The following MARCHF1 variants were observed in gnomAD, a reference collection of about 807,000 sequenced individuals.
MARCHF1 encodes the protein membrane associated ring-CH-type finger 1.
Under a neutral mutation model 54.2 loss-of-function variants are expected in MARCHF1, and 40 were observed. The ratio of observed to expected loss-of-function variants is 0.74; its 90% CI spans 0.57 to 0.96. The LOEUF (loss-of-function observed/expected upper bound fraction) is 0.96. MARCHF1 is among the 40% of genes least tolerant of loss of function. The probability of loss-of-function intolerance (pLI) is 0.00; values close to 1 mark genes in which losing one functional copy is unlikely to be tolerated. For synonymous variants in MARCHF1, 236 were observed against 236.3 expected, an observed-to-expected ratio of 1.00 and a Z score of 0.01; for missense variants, 586 against 656.5, an observed-to-expected ratio of 0.89 and a Z score of 1.17.
At chr4:163,951,380 T>C (rs897391160) in intron 3 of MARCHF1, among the ~76,000 whole-genome samples, 6 of 152,140 alleles carry the variant, frequency 3.9e-5, no homozygotes, top group East Asian at 1.9e-4. Context: ...TTAGGGATAG[T>C]AGAGTTTGAA....
intron 2 of MARCHF1, among the ~76,000 whole-genome samples, chr4:164,067,921 G>A (rs1431121347): frequency 1.2e-5 from 1 of 81,918 alleles, no homozygotes; most frequent in Non-Finnish European, 3.8e-5. Context: ...CATATGAACA[G>A]ACACTTCTCA....
intron 2 of MARCHF1, among the ~76,000 whole-genome samples, chr4:163,996,660 T>G (rs1753082418): frequency 6.6e-6 from 1 of 152,078 alleles, no homozygotes; most frequent in African/African-American, 2.4e-5. Flanking sequence ...CCCCTATAGA[T>G]ATTATCTTCA....
In MARCHF1 at chr4:163,700,861, A is replaced by T; in HGVS notation, c.114T>A (p.Asn38Lys). Reference protein sequence around the residue: ...LADASQTSTLNEKSPGRSASR... With the variant: ...LADASQTSTLKEKSPGRSASR... ...TTGCAGATCGCCCTGGGGATTTTTC[A>T]TTCTGAAAAATAAAATGGGAAACAT... The change falls in exon 5 of 10, where the codon AAT (asparagine) becomes AAA (lysine). Residue 38 changes from asparagine (N) to lysine (K), a missense_variant and splice_region_variant. This residue lies in a region of MARCHF1 where 387 missense variants were observed against 394.6 expected (regional missense o/e 0.98). Coordinates refer to ENST00000514618, the MANE Select transcript of MARCHF1 (RefSeq NM_001394959.1). 6.5e-7 allele frequency: 1 copy of T among 1,534,822 alleles called. No individual in the cohort carries two copies. The highest frequency in any genetic ancestry group is 8.7e-7 in the Non-Finnish European group (1 of 1,144,952).
chr4:163,551,839 CA>C (rs1279680183), intron 8 of MARCHF1, among the ~76,000 whole-genome samples: 2 of 152,156 alleles, frequency 1.3e-5, no homozygotes, highest in African/African-American at 2.4e-5. Flanking sequence ...ACATGCCTTT[CA>C]CTGTCTGCCA....
At chr4:163,851,575 T>G (rs573094377) in intron 4 of MARCHF1, among the ~76,000 whole-genome samples, 2 of 152,282 alleles carry the variant, frequency 1.3e-5, no homozygotes, top group South Asian at 4.1e-4. Flanking sequence ...AGAATTTGAG[T>G]TGTCACTCGT....
At chr4:163,742,989 T>G (rs1286559577) in intron 4 of MARCHF1, among the ~76,000 whole-genome samples, 1 of 152,210 alleles carries the variant, frequency 6.6e-6, no homozygotes, top group Non-Finnish European at 1.5e-5. Context: ...ACTAAAAAAT[T>G]GACATTTCAA....
intron 2 of MARCHF1, among the ~76,000 whole-genome samples, chr4:164,021,167 C>A (rs957917010): frequency 4.0e-5 from 6 of 150,832 alleles, no homozygotes; most frequent in African/African-American, 1.5e-4. Context: ...AAGCAAAAGC[C>A]AGGTAAATTG....
intron 1 of MARCHF1, among the ~76,000 whole-genome samples, chr4:164,299,635 T>C (rs1734498883): frequency 6.6e-6 from 1 of 152,190 alleles, no homozygotes. Context: ...GTAGAGTTAT[T>C]CCATTTGGTG....
intron 7 of MARCHF1, among the ~76,000 whole-genome samples, chr4:163,593,906 A>G (rs1173020878): frequency 1.3e-5 from 2 of 152,160 alleles, no homozygotes; most frequent in African/African-American, 4.8e-5. Context: ...TCAACAAGTA[A>G]TTTGTTGCTT....
chr4:163,985,016 C>A lies in MARCHF1; in HGVS notation c.-39+3485G>T, dbSNP rs186752173. Among the ~76,000 whole-genome samples, 36 of 152,224 alleles carry A rather than the reference C, an allele frequency of 2.4e-4. No individual in the cohort carries two copies. In the East Asian group the frequency reaches 6.8e-3, roughly 29 times the overall value. Reference sequence around the variant, plus strand: ...ACCATTTTATTTCCTTTATCAATTCCATTTACCAAGGAAAATCTGATTACT... The same window carrying A: ...ACCATTTTATTTCCTTTATCAATTCAATTTACCAAGGAAAATCTGATTACT... On this transcript the variant is annotated intron_variant, in intron 3 of 9. Transcript: ENST00000514618.
At chr4:164,305,928 A>T (rs1447864636) in intron 1 of MARCHF1, among the ~76,000 whole-genome samples, 6 of 151,450 alleles carry the variant, frequency 4.0e-5, no homozygotes, top group Non-Finnish European at 8.8e-5. Flanking sequence ...AAAGTCACAC[A>T]AAAGAATAGT....
intron 1 of MARCHF1, among the ~76,000 whole-genome samples, chr4:164,358,574 A>G (rs1730630030): frequency 6.6e-6 from 1 of 152,186 alleles, no homozygotes; most frequent in Non-Finnish European, 1.5e-5. Flanking sequence ...CATACACAGA[A>G]TGAAGAGAAA....
chr4:163,990,832 A>T (rs933193605), intron 2 of MARCHF1, among the ~76,000 whole-genome samples: 1 of 152,216 alleles, frequency 6.6e-6, no homozygotes, highest in African/African-American at 2.4e-5. Flanking sequence ...TAATATTGTC[A>T]GTGTTTAGGT....
Position 164,186,817 on chromosome 4 carries a change from C to T in MARCHF1, c.-322-75155G>A, listed in dbSNP as rs117080603. On this transcript the variant is annotated intron_variant, in intron 1 of 9. Transcript: ENST00000514618. ...GTAATATAATGGTTATTCTTAAGTA[C>T]GCTACCTGTGGACAGGGCATTGAAG... 4.1e-4 allele frequency among the ~76,000 whole-genome samples: 63 copies of T among 152,242 alleles called. 1 individual carries two copies. In the East Asian group the frequency reaches 0.01, roughly 25 times the overall value.
chr4:164,373,352 C>CTTTTTTT (rs5863683), intron 1 of MARCHF1, among the ~76,000 whole-genome samples: 8 of 91,608 alleles, frequency 8.7e-5, no homozygotes, highest in East Asian at 3.5e-4. Context: ...TGAAAAACTA[C>CTTTTTTT]TTTTTTTTTT....
At chr4:164,161,394 C>T (rs1365199764) in intron 1 of MARCHF1, among the ~76,000 whole-genome samples, 1 of 152,102 alleles carries the variant, frequency 6.6e-6, no homozygotes, top group Non-Finnish European at 1.5e-5. Context: ...AGCCATGAGC[C>T]AATCAAACCT....
rs2111146760 is a variant in MARCHF1, at chr4:163,846,096, T to G, written c.111+7925A>C. Among the ~76,000 whole-genome samples, 4 of 152,334 alleles carry G rather than the reference T, an allele frequency of 2.6e-5. No individual in the cohort carries two copies. In the Middle Eastern group the frequency reaches 0.014, roughly 518 times the overall value. ...TTTCATTCACCATTACCTTTGGCAG[T>G]ACTTAGTAAAGGCTTTGTAATAGCA... On this transcript the variant is annotated intron_variant, in intron 4 of 9. Transcript: ENST00000514618.
chr4:163,848,615 C>G (rs904640606), intron 4 of MARCHF1, among the ~76,000 whole-genome samples: 1 of 152,114 alleles, frequency 6.6e-6, no homozygotes, highest in Non-Finnish European at 1.5e-5. Flanking sequence ...AGGGTATAGT[C>G]GGTATAAGAT....
At chr4:164,197,024 C>T in intron 1 of MARCHF1, 1 of 1,605,286 alleles carries the variant, frequency 6.2e-7, no homozygotes, top group South Asian at 1.1e-5. Flanking sequence ...CGCTTCTGAC[C>T]CCTTTCTTCT....
Sources: allele counts gnomAD v4.1 joint callset (sites outside exome capture counted in the v4.1 genomes callset), GRCh38; gene constraint gnomAD v4.1.1; regional missense constraint gnomAD v4.1.1; transcripts MANE v1.5; gene names NCBI Gene and HGNC (gene_info 2026-07-23, HGNC 2026-07-21).